Variants in KIAA1217 observed in about 807,000 individuals in gnomAD.
KIAA1217 encodes the protein sickle tail protein homolog.
Under a neutral mutation model 163.9 loss-of-function variants are expected in KIAA1217, and 88 were observed. The ratio of observed to expected loss-of-function variants is 0.54; its 90% CI spans 0.45 to 0.64. The LOEUF (loss-of-function observed/expected upper bound fraction) is 0.64. Ranked by LOEUF, KIAA1217 falls within the 30% of genes least tolerant of loss-of-function variation. The pLI is 0.00. For synonymous variants in KIAA1217, 903 were observed against 923.1 expected (o/e 0.98, Z 0.39); for missense variants, 2,372 against 2,475.0 (o/e 0.96, Z 0.88).
chr10:24,030,205 GTGT>G (rs1848134743), intron 2 of KIAA1217, among the ~76,000 whole-genome samples: 1 of 152,148 alleles, frequency 6.6e-6, no homozygotes, highest in Admixed American at 6.5e-5. Context: ...ATGGCATTAT[GTGT>G]ATTCACATTG....
chr10:24,329,713 C>T (rs1379549588), intron 2 of KIAA1217, among the ~76,000 whole-genome samples: 1 of 152,156 alleles, frequency 6.6e-6, no homozygotes, highest in Non-Finnish European at 1.5e-5. Flanking sequence ...GTACTTAGTA[C>T]AGTGCCTGGC....
chr10:23,907,829 T>G (rs538380417), intron 1 of KIAA1217, among the ~76,000 whole-genome samples: 19 of 152,208 alleles, frequency 1.2e-4, no homozygotes, highest in African/African-American at 3.6e-4. Context: ...TCAGAAGGGC[T>G]GACTATGTGC....
chr10:24,318,865 A>G (rs2043752846), intron 2 of KIAA1217, among the ~76,000 whole-genome samples: 1 of 152,240 alleles, frequency 6.6e-6, no homozygotes. Flanking sequence ...CCAGTGTGTA[A>G]CAAGTATTGC....
intron 1 of KIAA1217, among the ~76,000 whole-genome samples, chr10:23,765,641 T>G (rs142945591): frequency 0.011 from 1,665 of 152,282 alleles, 25 homozygotes; most frequent in African/African-American, 0.038. Context: ...CATGCTGTTC[T>G]CATGACCGTG....
intron 2 of KIAA1217, among the ~76,000 whole-genome samples, chr10:24,096,067 C>A (rs898774857): frequency 2.6e-5 from 4 of 152,194 alleles, no homozygotes; most frequent in Non-Finnish European, 5.9e-5. Context: ...GTGATTGCAC[C>A]ACTGTATTCC....
intron 5 of KIAA1217, among the ~76,000 whole-genome samples, chr10:24,472,189 A>G (rs533870841): frequency 6.6e-6 from 1 of 152,322 alleles, no homozygotes; most frequent in South Asian, 2.1e-4. Flanking sequence ...AGAAGGAGGA[A>G]GAGAAGGGCT....
intron 2 of KIAA1217, among the ~76,000 whole-genome samples, chr10:24,082,138 G>A (rs1031585472): frequency 6.6e-6 from 1 of 152,214 alleles, no homozygotes; most frequent in Non-Finnish European, 1.5e-5. Context: ...AGGAATGACT[G>A]ATGGCTGTGG....
rs34660362 is a variant in KIAA1217 at position 24,397,108 on chromosome 10, C to CTT, written c.553+16061_553+16062dup. 4.9e-3 allele frequency among the ~76,000 whole-genome samples: 563 copies of CTT among 114,554 alleles called. 2 individuals carry two copies. Among genetic ancestry groups the CTT allele is most frequent in the Non-Finnish European group, 5.8e-3 (324 of 56,308 alleles). 75.2% of individuals were successfully genotyped at this position (114,554 alleles called of 152,430 possible). ...GGAGAAGGCATAGATGTAAGAAACTCTTTTTTTTTTTTTTTTTTTTTGAGA... is the reference window on the plus strand; with the variant it reads ...GGAGAAGGCATAGATGTAAGAAACTCTTTTTTTTTTTTTTTTTTTTTTTGAGA... On this transcript the variant is annotated intron_variant, in intron 3 of 20. Coordinates refer to ENST00000376454, the MANE Select transcript of KIAA1217 (RefSeq NM_019590.5).
chr10:24,438,533 C>T, intron 5 of KIAA1217, 54 bp downstream of exon 5: 1 of 1,210,188 alleles, frequency 8.3e-7, no homozygotes, highest in Non-Finnish European at 1.2e-6. Context: ...AGCGTCCCTC[C>T]TCTTGCTTGT....
rs76374676 is a variant in KIAA1217 at position 24,485,251 on chromosome 10, C to T, written c.1680-9249C>T. Among the ~76,000 whole-genome samples the T allele has an allele frequency of 1.8e-4, 27 of 152,134 alleles. No individual in the cohort carries two copies. The East Asian group carries it at 5.0e-3, about 28-fold the overall frequency. Reference sequence around the variant, plus strand: ...TAGTGGGTGTGAGAGAATGGGTACCCCTGTTTAACAAGGGGTAGGGGCCTT... The same window carrying T: ...TAGTGGGTGTGAGAGAATGGGTACCTCTGTTTAACAAGGGGTAGGGGCCTT... On this transcript the variant is annotated intron_variant, in intron 6 of 20. Coordinates refer to ENST00000376454, the MANE Select transcript of KIAA1217 (RefSeq NM_019590.5).
chr10:24,384,603 C>T (rs1441530529), intron 3 of KIAA1217, among the ~76,000 whole-genome samples: 1 of 152,220 alleles, frequency 6.6e-6, no homozygotes, highest in Non-Finnish European at 1.5e-5. Context: ...GTGGAACGAT[C>T]TCGGCTCACC....
At chr10:24,055,915 G>A (rs1202456620) in intron 2 of KIAA1217, among the ~76,000 whole-genome samples, 2 of 151,254 alleles carry the variant, frequency 1.3e-5, no homozygotes, top group African/African-American at 2.4e-5. Context: ...TAGATGTTCA[G>A]AGAATGCCCT....
chr10:24,367,878 G>T (rs570407350), intron 2 of KIAA1217, among the ~76,000 whole-genome samples: 4 of 152,170 alleles, frequency 2.6e-5, no homozygotes, highest in Non-Finnish European at 5.9e-5. Context: ...CTTGCCCAAG[G>T]TCACACAGCT....
chr10:23,731,236 G>A (rs1838459767), intron 1 of KIAA1217, among the ~76,000 whole-genome samples: 1 of 151,992 alleles, frequency 6.6e-6, no homozygotes, highest in African/African-American at 2.4e-5. Flanking sequence ...TGAATGAGGT[G>A]GCTAAATATA....
At chr10:24,317,068 T>TTCTATAATTTA (rs2043482164) in intron 2 of KIAA1217, among the ~76,000 whole-genome samples, 1 of 152,124 alleles carries the variant, frequency 6.6e-6, no homozygotes, top group Admixed American at 6.6e-5. Context: ...ATTATAAACG[T>TTCTATAATTTA]TGGCCATGTG....
chr10:24,035,960 G>A (rs1319019674), intron 2 of KIAA1217, among the ~76,000 whole-genome samples: 2 of 152,186 alleles, frequency 1.3e-5, no homozygotes, highest in African/African-American at 4.8e-5. Flanking sequence ...TCATGCATGA[G>A]CAACCACTGG....
intron 1 of KIAA1217, among the ~76,000 whole-genome samples, chr10:23,766,094 T>C (rs982960313): frequency 6.6e-6 from 1 of 152,184 alleles, no homozygotes; most frequent in Non-Finnish European, 1.5e-5. Context: ...TTAGCAATGA[T>C]TTTAATATTC....
At chr10:24,031,059 G>T (rs116145483) in intron 2 of KIAA1217, among the ~76,000 whole-genome samples, 1 of 152,098 alleles carries the variant, frequency 6.6e-6, no homozygotes, top group African/African-American at 2.4e-5. Context: ...TGGAATTGCT[G>T]CATTTTATGG....
At chr10:23,711,865 C>T (rs1301999469) in intron 1 of KIAA1217, among the ~76,000 whole-genome samples, 1 of 152,084 alleles carries the variant, frequency 6.6e-6, no homozygotes, top group Non-Finnish European at 1.5e-5. Flanking sequence ...TCACACAACC[C>T]TTGAAGGATG....
Sources: gnomAD v4.1 joint callset for allele counts (sites outside exome capture counted in the v4.1 genomes callset) on GRCh38, gnomAD v4.1.1 for gene constraint, MANE v1.5 for transcripts, NCBI Gene and HGNC (gene_info 2026-07-23, HGNC 2026-07-21) for gene names.